ABR: variants seen among roughly 807,000 people sequenced by gnomAD.
ABR encodes active breakpoint cluster region-related protein.
A neutral mutation model predicts 107.2 loss-of-function variants in ABR; 35 were observed. The observed-to-expected ratio is 0.33, with a 90% CI of 0.25 to 0.43. ABR has a LOEUF of 0.43. Ranked by LOEUF, ABR falls within the 20% of genes least tolerant of loss-of-function variation. The pLI is 1.00. For synonymous variants in ABR, 498 were observed against 462.0 expected, an observed-to-expected ratio of 1.08 and a Z score of -1.00; for missense variants, 815 against 1,115.2, an observed-to-expected ratio of 0.73 and a Z score of 3.83.
chr17:1,066,654 G>A (rs183947963), intron 10 of ABR, among the ~76,000 whole-genome samples: 10 of 151,812 alleles, frequency 6.6e-5, no homozygotes, highest in Admixed American at 3.3e-4. Context: ...TCAGCCTCCC[G>A]AGTAGCTGGG....
rs763390696 is a variant in ABR, at chr17:1,058,834, G to A, written c.1216C>T (p.Arg406Cys). 5.6e-6 allele frequency: 9 copies of A among 1,614,020 alleles called. No homozygotes were observed. The highest frequency in any genetic ancestry group is 4.5e-5 in the East Asian group (2 of 44,896). The change falls in exon 11 of 23, where the codon CGC becomes TGC. Residue 406 changes from arginine (R) to cysteine (C), a missense_variant. Physicochemically the swap from Arg to Cys is radical, Grantham distance 180. Coordinates refer to ENST00000302538, the MANE Select transcript of ABR (RefSeq NM_021962.5). ...ANKGQSRAIE[R>C]LKKKMFENEF... ...TTCTCAAACATCTTCTTCTTCAGGC[G>A]CTCGATGGCCCGGCTCTGGCCTTTG... is the stretch of plus-strand genomic sequence containing the variant.
chr17:1,074,500 G>C (rs188227428), intron 6 of ABR, among the ~76,000 whole-genome samples: 8 of 152,370 alleles, frequency 5.3e-5, no homozygotes, highest in Admixed American at 5.2e-4. Flanking sequence ...AAGGAGACAT[G>C]CTGTGTTTCC....
In ABR at chr17:1,200,604, C is replaced by T. The variant is rs770336859; in HGVS notation, c.838+28189G>A. Among the ~76,000 whole-genome samples the T allele has an allele frequency of 2.4e-4, 37 of 151,952 alleles. No homozygotes were observed. The highest frequency in any genetic ancestry group is 3.7e-4 in the Non-Finnish European group (25 of 68,014). ...TGGCCAGTCCAGCTTCATTTTCTCC[C>T]CTCCTCCCGTTACATCAAGCAGAAC... On this transcript the variant is annotated intron_variant, in intron 1 of 22. Coordinates refer to the ABR transcript ENST00000574139. The surrounding 1 kb of genome is among the most constrained non-coding windows in gnomAD (Gnocchi z 4.1).
intron 2 of ABR, among the ~76,000 whole-genome samples, chr17:1,120,829 G>A (rs1211174019): frequency 6.6e-6 from 1 of 152,190 alleles, no homozygotes; most frequent in East Asian, 1.9e-4. Context: ...AGGCCACACA[G>A]TGAGACAGTG....
At position 1,066,962 on chromosome 17, in the gene ABR, A is replaced by T. The variant is rs1047312900; in HGVS notation, c.1182+115T>A. ...CTGTAGTCGGGGTCTTTCCCTTAGT[A>T]ACTACACACTCAAGGCTCCCTCTCA... is the stretch of plus-strand genomic sequence containing the variant. On this transcript the variant is annotated intron_variant, in intron 10 of 22. Coordinates refer to ENST00000302538, the MANE Select transcript of ABR (RefSeq NM_021962.5). 5 of 1,100,088 alleles carry T rather than the reference A, an allele frequency of 4.5e-6. No homozygotes were observed. The African/African-American group carries it at 7.8e-5, about 17-fold the overall frequency. The allele number at this position is 1,100,088 out of a possible 1,614,324, so 68.1% of individuals were successfully genotyped here.
At chr17:1,031,583 A>G in intron 16 of ABR, 3 of 670,158 alleles carry the variant, frequency 4.5e-6, no homozygotes, top group Non-Finnish European at 5.2e-6. Context: ...CGGAACCTCC[A>G]GCCCCCGCGG....
intron 16 of ABR, among the ~76,000 whole-genome samples, chr17:1,018,626 T>C (rs2071389652): frequency 6.6e-6 from 1 of 152,132 alleles, no homozygotes. Context: ...GTGCAGGATT[T>C]GGAGGCAGGC....
chr17:1,179,603 C>T lies in ABR; in HGVS notation c.61+64G>A, dbSNP rs1221893942. Reference sequence around the variant, plus strand: ...GGGGTCCCGATCCCGATCCTGGGGTCCCGATCTCCATCCTGGGGTCCCGAT... The same window carrying T: ...GGGGTCCCGATCCCGATCCTGGGGTTCCGATCTCCATCCTGGGGTCCCGAT... On this transcript the variant is annotated intron_variant, in intron 1 of 22. Coordinates refer to ENST00000302538, the MANE Select transcript of ABR (RefSeq NM_021962.5). The surrounding 1 kb of genome is among the most constrained non-coding windows in gnomAD (Gnocchi z 4.9). 2.1e-6 allele frequency: 3 copies of T among 1,423,006 alleles called. No homozygotes were observed. The highest frequency in any genetic ancestry group is 3.0e-5 in the East Asian group (1 of 33,692). 88.1% of individuals were successfully genotyped at this position (1,423,006 alleles called of 1,614,324 possible). A position where few individuals can be genotyped will look rare whatever the true frequency, so the allele number is the denominator to read the frequency against.
chr17:1,048,870 C>A (rs2032081228), intron 16 of ABR, among the ~76,000 whole-genome samples: 1 of 152,168 alleles, frequency 6.6e-6, no homozygotes, highest in Non-Finnish European at 1.5e-5. Flanking sequence ...ACGCCCAACG[C>A]CCGAGGCTCA....
At chr17:1,211,054 C>T (rs868139273) in intron 1 of ABR, among the ~76,000 whole-genome samples, 4 of 152,116 alleles carry the variant, frequency 2.6e-5, no homozygotes, top group South Asian at 4.2e-4. Flanking sequence ...CCAAGGCGGA[C>T]GGATCATGAG....
rs1360905656 is a variant in ABR, at chr17:1,078,805, C to G, written c.700+525G>C. The G allele has an allele frequency of 1.3e-6, 2 of 1,535,480 alleles. No homozygotes were observed. The highest frequency in any genetic ancestry group is 2.0e-5 in the Admixed American group (1 of 50,998). On this transcript the variant is annotated intron_variant, in intron 6 of 22. Transcript: ENST00000302538. This position sits in a 1 kb window ranked among gnomAD's most constrained non-coding sequence, Gnocchi z 7.5. ...GTCCGCCACCTCCCACAGCGAGCACCTGGGTTACCATAGGTGCAGTTACAG... is the reference window on the plus strand; with the variant it reads ...GTCCGCCACCTCCCACAGCGAGCACGTGGGTTACCATAGGTGCAGTTACAG...
chr17:1,149,542 C>T (rs1185379108), intron 1 of ABR, among the ~76,000 whole-genome samples: 3 of 151,978 alleles, frequency 2.0e-5, no homozygotes, highest in Non-Finnish European at 4.4e-5. Context: ...CTCAGCCTCC[C>T]GAGTAGGTGG....
At chr17:1,124,793 C>T (rs1383430927) in intron 2 of ABR, among the ~76,000 whole-genome samples, 1 of 152,184 alleles carries the variant, frequency 6.6e-6, no homozygotes, top group Non-Finnish European at 1.5e-5. Context: ...AGCATCTGAA[C>T]ACCTGGAGCC....
chr17:1,025,119 C>CAAAAAAAAAA (rs71272843), intron 16 of ABR, among the ~76,000 whole-genome samples: 10 of 37,704 alleles, frequency 2.7e-4, no homozygotes, highest in Admixed American at 4.2e-4. Context: ...GACTCCGTCT[C>CAAAAAAAAAA]AAAAAAAAAA....
At chr17:1,211,262 G>C (rs2042896043) in intron 1 of ABR, among the ~76,000 whole-genome samples, 1 of 152,038 alleles carries the variant, frequency 6.6e-6, no homozygotes, top group African/African-American at 2.4e-5. Context: ...CTGGGCGACA[G>C]AGTGAGGCTC....
intron 16 of ABR, among the ~76,000 whole-genome samples, chr17:1,046,984 C>A (rs1048717282): frequency 1.1e-4 from 16 of 152,342 alleles, no homozygotes; most frequent in Admixed American, 9.8e-4. Flanking sequence ...CCCCACCCCA[C>A]CCCGCCGCTG....
chr17:1,189,363 T>C (rs1038134126), upstream of ABR, among the ~76,000 whole-genome samples: 20 of 151,658 alleles, frequency 1.3e-4, no homozygotes, highest in Admixed American at 1.3e-3. Flanking sequence ...TTTTTTTTTT[T>C]TTTTAGACAG....
rs1357171659 is a variant in ABR, at chr17:1,070,381, C to T, written c.895-291G>A. Among the ~76,000 whole-genome samples, 1 of 152,166 alleles carries T rather than the reference C, an allele frequency of 6.6e-6. No homozygotes were observed. Among genetic ancestry groups the T allele is most frequent in the East Asian group, 1.9e-4 (1 of 5,180 alleles). The stretch of plus-strand genomic sequence containing the variant: ...AGGTCTGCCTCATAAGGTGACTCAT[C>T]GAGATGGTGCATGTGAAACAGCACA... On this transcript the variant is annotated intron_variant, in intron 8 of 22. Coordinates refer to ENST00000302538, the MANE Select transcript of ABR (RefSeq NM_021962.5). This position sits in a 1 kb window ranked among gnomAD's most constrained non-coding sequence, Gnocchi z 4.2.
intron 4 of ABR, among the ~76,000 whole-genome samples, chr17:1,089,145 C>A (rs1459800695): frequency 6.6e-6 from 1 of 152,100 alleles, no homozygotes; most frequent in African/African-American, 2.4e-5. Context: ...ATCCACCCAC[C>A]CCGGCCTCCC....
Sources: gnomAD v4.1 joint callset for allele counts (sites outside exome capture counted in the v4.1 genomes callset) on GRCh38, gnomAD v4.1.1 for gene constraint, Gnocchi (gnomAD v3.1) non-coding constraint, MANE v1.5 for transcripts, NCBI Gene and HGNC (gene_info 2026-07-23, HGNC 2026-07-21) for gene names.